The following SLC7A5 variants were observed in gnomAD, a reference collection of about 807,000 sequenced individuals.
The protein encoded by SLC7A5 is large neutral amino acids transporter small subunit 1.
In SLC7A5, 23 loss-of-function variants were observed where a neutral mutation model predicts 50.2. The observed-to-expected ratio is 0.46, with a 90% CI of 0.33 to 0.65. The LOEUF (loss-of-function observed/expected upper bound fraction) is 0.65, where lower values mean the gene tolerates loss of function less well. Ranked by LOEUF, SLC7A5 falls within the 30% of genes least tolerant of loss-of-function variation. The pLI, the probability that SLC7A5 is intolerant of heterozygous loss-of-function variation, is 0.02. For missense variants in SLC7A5, 578 were observed against 684.4 expected, an observed-to-expected ratio of 0.84 and a Z score of 1.73; for synonymous variants, 393 against 330.6, an observed-to-expected ratio of 1.19 and a Z score of -2.05.
intron 2 of SLC7A5, among the ~76,000 whole-genome samples, chr16:87,850,060 C>T (rs1001152292): frequency 1.3e-5 from 2 of 152,266 alleles, no homozygotes; most frequent in Non-Finnish European, 2.9e-5. Flanking sequence ...ACTGCATCCC[C>T]CTGCAGGCCC....
rs1009704362 is a variant in SLC7A5 at position 87,853,010 on chromosome 16, C to T, written c.539-1161G>A. 2.0e-5 allele frequency among the ~76,000 whole-genome samples: 3 copies of T among 152,234 alleles called. No homozygotes were observed. The highest frequency in any genetic ancestry group is 4.8e-5 in the African/African-American group (2 of 41,464). ...CCCAGAAGTGGGCAAAGGCCCAGCA[C>T]GGGCCACCCACACAGCTCAGATCTC... On this transcript the variant is annotated intron_variant, in intron 1 of 9. Coordinates refer to ENST00000261622, the MANE Select transcript of SLC7A5 (RefSeq NM_003486.7). This position sits in a 1 kb window ranked among gnomAD's most constrained non-coding sequence, Gnocchi z 4.4.
intron 2 of SLC7A5, among the ~76,000 whole-genome samples, chr16:87,843,478 A>C (rs2055108902): frequency 6.8e-6 from 1 of 147,004 alleles, no homozygotes; most frequent in African/African-American, 2.5e-5. Context: ...GCTCTGCTTA[A>C]GGGTGGCCTG....
chr16:87,837,982 C>A (rs1230223823), intron 6 of SLC7A5, 41 bp from the exon 7 acceptor site: 13 of 1,446,476 alleles, frequency 9.0e-6, no homozygotes, highest in African/African-American at 1.4e-5. Flanking sequence ...CACCGCCCCA[C>A]AACTCAGCAC....
chr16:87,839,791 T>G lies in SLC7A5; in HGVS notation c.850A>C (p.Ile284Leu), dbSNP rs758372400. Reference sequence around the variant, plus strand: ...GTCAGCACGTACACCAGCGTCACGATGGGCAGGGAGATGATGATGGCCAGG... The same window carrying G: ...GTCAGCACGTACACCAGCGTCACGAGGGGCAGGGAGATGATGATGGCCAGG... Reference protein sequence around the residue: ...LPLAIIISLPIVTLVYVLTNL... With the variant: ...LPLAIIISLPLVTLVYVLTNL... Residue 284 changes from isoleucine (I) to leucine (L), a missense_variant, in exon 5 of 10, where the codon ATC (isoleucine) becomes CTC (leucine). Physicochemically the swap from Ile to Leu is conservative, Grantham distance 5. Coordinates refer to ENST00000261622, the MANE Select transcript of SLC7A5 (RefSeq NM_003486.7). 6.2e-7 allele frequency: 1 copy of G among 1,613,900 alleles called. No individual in the cohort carries two copies. The highest frequency in any genetic ancestry group is 8.5e-7 in the Non-Finnish European group (1 of 1,179,966).
intron 1 of SLC7A5, among the ~76,000 whole-genome samples, chr16:87,858,524 A>G (rs1439597354): frequency 1.3e-5 from 2 of 152,292 alleles, no homozygotes; most frequent in East Asian, 1.9e-4. Context: ...GTGGAAGGAC[A>G]CTTGTGGCAG....
In SLC7A5 at chr16:87,834,406, A is replaced by G; in HGVS notation, c.1468+8T>C. 1 of 1,552,468 alleles carries G rather than the reference A, an allele frequency of 6.4e-7. No individual in the cohort carries two copies. The highest frequency in any genetic ancestry group is 1.2e-5 in the South Asian group (1 of 84,114). Reference sequence around the variant, plus strand: ...GTACCACGGGCTGTGGGCCAGCGAGATACTCACAGATGCCCTGGAGGAGCC... The same window carrying G: ...GTACCACGGGCTGTGGGCCAGCGAGGTACTCACAGATGCCCTGGAGGAGCC... On this transcript the variant is annotated splice_region_variant and intron_variant, in intron 9 of 9. Coordinates refer to ENST00000261622, the MANE Select transcript of SLC7A5 (RefSeq NM_003486.7).
chr16:87,855,134 C>T (rs1037229426), intron 1 of SLC7A5, among the ~76,000 whole-genome samples: 12 of 152,208 alleles, frequency 7.9e-5, no homozygotes, highest in Admixed American at 2.6e-4. Context: ...GGATTGGGGA[C>T]GCGGCCAGCC....
At position 87,832,734 on chromosome 16, in the gene SLC7A5, A is replaced by C; in HGVS notation, c.*236T>G. Reference sequence around the variant, plus strand: ...AAGGGAAAAAGGGCCCAAGGAGACCAAAAGCTGCTCCTGGGCAGGAGCACA... The same window carrying C: ...AAGGGAAAAAGGGCCCAAGGAGACCCAAAGCTGCTCCTGGGCAGGAGCACA... On this transcript the variant is annotated 3_prime_UTR_variant, in exon 10 of 10. Coordinates refer to ENST00000261622, the MANE Select transcript of SLC7A5 (RefSeq NM_003486.7). The surrounding 1 kb of genome is among the most constrained non-coding windows in gnomAD (Gnocchi z 4.6). 1 of 483,992 alleles carries C rather than the reference A, an allele frequency of 2.1e-6. No individual in the cohort carries two copies. The highest frequency in any genetic ancestry group is 2.2e-5 in the South Asian group (1 of 45,504). 30.0% of individuals were successfully genotyped at this position (483,992 alleles called of 1,614,324 possible).
chr16:87,859,868 T>G (rs1304179148), intron 1 of SLC7A5, among the ~76,000 whole-genome samples: 1 of 151,816 alleles, frequency 6.6e-6, no homozygotes, highest in African/African-American at 2.4e-5. Context: ...TTGAACCGGG[T>G]TGCAGTGAGC....
Position 87,853,825 on chromosome 16 carries a change from G to C in SLC7A5, c.539-1976C>G, listed in dbSNP as rs546019598. On this transcript the variant is annotated intron_variant, in intron 1 of 9. Coordinates refer to ENST00000261622, the MANE Select transcript of SLC7A5 (RefSeq NM_003486.7). This position sits in a 1 kb window ranked among gnomAD's most constrained non-coding sequence, Gnocchi z 4.4. ...CACTCGAGGCTGCCTCTCCCCAAAA[G>C]GGAGAGAGGCACGCTGCCACCACTG... 2.8e-3 allele frequency: 423 copies of C among 152,302 alleles called. 3 individuals are homozygous for C. The highest frequency in any genetic ancestry group is 9.9e-3 in the African/African-American group (412 of 41,570). 9.4% of individuals were successfully genotyped at this position (152,302 alleles called of 1,614,324 possible). A position where few individuals can be genotyped will look rare whatever the true frequency, so the allele number is the denominator to read the frequency against.
At chr16:87,835,691 G>A (rs995110780) in intron 8 of SLC7A5, among the ~76,000 whole-genome samples, 1 of 152,062 alleles carries the variant, frequency 6.6e-6, no homozygotes. Context: ...AGCCAGGATG[G>A]TCTCTATCTC....
chr16:87,854,703 G>T (rs896018613), intron 1 of SLC7A5, among the ~76,000 whole-genome samples: 2 of 152,278 alleles, frequency 1.3e-5, no homozygotes, highest in Admixed American at 1.3e-4. Flanking sequence ...CCCGTCCGGG[G>T]ATACCCCGTG....
Position 87,852,031 on chromosome 16 carries a change from T to G in SLC7A5, c.539-182A>C, listed in dbSNP as rs1037023979. 6.6e-6 allele frequency among the ~76,000 whole-genome samples: 1 copy of G among 152,114 alleles called. No individual in the cohort carries two copies. Among genetic ancestry groups the G allele is most frequent in the Non-Finnish European group, 1.5e-5 (1 of 68,010 alleles). On this transcript the variant is annotated intron_variant, in intron 1 of 9. Coordinates refer to ENST00000261622, the MANE Select transcript of SLC7A5 (RefSeq NM_003486.7). This position sits in a 1 kb window ranked among gnomAD's most constrained non-coding sequence, Gnocchi z 4.5. The stretch of plus-strand genomic sequence containing the variant: ...CGTTCTGACTTTCTGAGACCTGTTT[T>G]GATAAACTTCGCAGTCCTTTCAGGT...
chr16:87,839,154 G>A (rs1323604176), intron 5 of SLC7A5, among the ~76,000 whole-genome samples: 1 of 152,326 alleles, frequency 6.6e-6, no homozygotes, highest in Non-Finnish European at 1.5e-5. Context: ...TGCCGGCAGC[G>A]GGCTGGGAGT....
chr16:87,843,499 GGA>G (rs1472006700), intron 2 of SLC7A5, among the ~76,000 whole-genome samples: 1 of 151,836 alleles, frequency 6.6e-6, no homozygotes, highest in Non-Finnish European at 1.5e-5. Context: ...GAGGGCTGCA[GGA>G]GGGACCTGCT....
In SLC7A5 at chr16:87,867,163, G is replaced by A. The variant is rs1478382749; in HGVS notation, c.538+1722C>T. On this transcript the variant is annotated intron_variant, in intron 1 of 9. Coordinates refer to ENST00000261622, the MANE Select transcript of SLC7A5 (RefSeq NM_003486.7). ...TCGAACTCCTGACCTCGGTAGATCC[G>A]CCCGTCTCGGCCTCCCAAAGTGCTG... Among the ~76,000 whole-genome samples the A allele has an allele frequency of 8.5e-5, 13 of 152,262 alleles. No individual in the cohort carries two copies. In the East Asian group the frequency reaches 2.3e-3, roughly 27 times the overall value.
At chr16:87,842,452 C>A (rs1415848636) in intron 2 of SLC7A5, among the ~76,000 whole-genome samples, 1 of 152,234 alleles carries the variant, frequency 6.6e-6, no homozygotes, top group Admixed American at 6.5e-5. Context: ...TCCCATAAGA[C>A]CTTGGCAATT....
intron 8 of SLC7A5, 141 bp from the exon 9 acceptor site, chr16:87,834,732 T>G (rs907058155): frequency 3.6e-6 from 3 of 839,124 alleles, no homozygotes; most frequent in Non-Finnish European, 3.9e-6. Flanking sequence ...CTGCACTCCA[T>G]CTGCCTCACA....
rs967165001 is a variant in SLC7A5, at chr16:87,860,347, C to T, written c.539-8498G>A. 0.027 allele frequency among the ~76,000 whole-genome samples: 214 copies of T among 7,916 alleles called. 9 individuals carry two copies. Among genetic ancestry groups the T allele is most frequent in the Middle Eastern group, 0.083 (1 of 12 alleles). The allele number at this position is 7,916 out of a possible 152,430, so 5.2% of individuals were successfully genotyped here. A position where few individuals can be genotyped will look rare whatever the true frequency, so the allele number is the denominator to read the frequency against. On this transcript the variant is annotated intron_variant, in intron 1 of 9. Transcript: ENST00000261622. The surrounding 1 kb of genome is among the most constrained non-coding windows in gnomAD (Gnocchi z 4.8). Reference sequence around the variant, plus strand: ...TCTCAAAAAAAAAAAAAAATACACACACACACACACACACACACACACACA... The same window carrying T: ...TCTCAAAAAAAAAAAAAAATACACATACACACACACACACACACACACACA...
Sources: allele counts gnomAD v4.1 joint callset (sites outside exome capture counted in the v4.1 genomes callset), GRCh38; gene constraint gnomAD v4.1.1; non-coding constraint Gnocchi (gnomAD v3.1); transcripts MANE v1.5; gene names NCBI Gene and HGNC (gene_info 2026-07-23, HGNC 2026-07-21).